Variants in AKAP6 observed in about 807,000 individuals in gnomAD.
AKAP6 encodes the protein A-kinase anchoring protein 6.
A neutral mutation model predicts 188.5 loss-of-function variants in AKAP6; 58 were observed. The ratio of observed to expected loss-of-function variants is 0.31; its 90% CI spans 0.25 to 0.38. The LOEUF is 0.38. Ranked by LOEUF, AKAP6 falls within the 10% of genes least tolerant of loss-of-function variation. AKAP6 has a pLI of 1.00. For synonymous variants in AKAP6, 989 were observed against 998.6 expected, an observed-to-expected ratio of 0.99 and a Z score of 0.18; for missense variants, 2,710 against 2,740.0, an observed-to-expected ratio of 0.99 and a Z score of 0.24.
In AKAP6 at chr14:32,372,169, G is replaced by A. The variant is rs115649244; in HGVS notation, c.-35+42761G>A. ...TCCTGAGGAGGCTAGCTTGAGGAAGGAGTGGCTAACAGGTTGGGAACTGGG... is the reference window on the plus strand; with the variant it reads ...TCCTGAGGAGGCTAGCTTGAGGAAGAAGTGGCTAACAGGTTGGGAACTGGG... On this transcript the variant is annotated intron_variant, in intron 1 of 13. Coordinates refer to ENST00000280979, the MANE Select transcript of AKAP6 (RefSeq NM_004274.5). Among the ~76,000 whole-genome samples the A allele has an allele frequency of 3.3e-3, 496 of 152,300 alleles. 1 individual carries two copies. The highest frequency in any genetic ancestry group is 0.012 in the African/African-American group (478 of 41,564).
intron 1 of AKAP6, among the ~76,000 whole-genome samples, chr14:32,360,732 T>C (rs925030805): frequency 7.9e-5 from 12 of 151,162 alleles, no homozygotes; most frequent in African/African-American, 2.7e-4. Context: ...TGTGTGTGTG[T>C]GTGTGTGTGT....
chr14:32,494,274 A>T (rs771575798), intron 2 of AKAP6: 1 of 152,138 alleles, frequency 6.6e-6, no homozygotes. Flanking sequence ...TGTGGAAACC[A>T]TGAGTAGGGT....
chr14:32,342,723 A>T lies in AKAP6; in HGVS notation c.-35+13315A>T, dbSNP rs578156610. Among the ~76,000 whole-genome samples, 23 of 152,050 alleles carry T rather than the reference A, an allele frequency of 1.5e-4. No individual in the cohort carries two copies. The South Asian group carries it at 4.8e-3, about 32-fold the overall frequency. ...AATGCAGTGTCAGCGCTGGATGGAG[A>T]CTCTACTGAACAAGAGATGTGTTAT... On this transcript the variant is annotated intron_variant, in intron 1 of 13. Transcript: ENST00000280979.
intron 12 of AKAP6, among the ~76,000 whole-genome samples, chr14:32,819,461 T>C (rs1334342268): frequency 6.6e-6 from 1 of 152,196 alleles, no homozygotes; most frequent in African/African-American, 2.4e-5. Context: ...ACAGTTAAAA[T>C]AATTCTGACA....
At chr14:32,351,353 G>A (rs769498393) in intron 1 of AKAP6, among the ~76,000 whole-genome samples, 1 of 152,018 alleles carries the variant, frequency 6.6e-6, no homozygotes, top group Non-Finnish European at 1.5e-5. Flanking sequence ...ACCCGAGGTC[G>A]GGAGTTCCAG....
intron 7 of AKAP6, among the ~76,000 whole-genome samples, chr14:32,617,550 C>A (rs1219124188): frequency 6.6e-6 from 1 of 152,190 alleles, no homozygotes; most frequent in East Asian, 1.9e-4. Context: ...AAAGACTATT[C>A]TTGAACAAAA....
chr14:32,587,873 A>G (rs1885319457), intron 5 of AKAP6, among the ~76,000 whole-genome samples: 1 of 152,154 alleles, frequency 6.6e-6, no homozygotes, highest in Non-Finnish European at 1.5e-5. Flanking sequence ...GGGTGTGTGA[A>G]ACCAGGTAAC....
At chr14:32,462,926 A>AC (rs71115072) in intron 2 of AKAP6, among the ~76,000 whole-genome samples, 7 of 146,050 alleles carry the variant, frequency 4.8e-5, no homozygotes, top group African/African-American at 1.5e-4. Context: ...AAAAAAAAAA[A>AC]CCCGGGGTTG....
rs556146988 is a variant in AKAP6, at chr14:32,800,086, T to C, written c.3589-21316T>C. ...CTATATATATAGAAATATATATATA[T>C]ACAAAATATATATATAGAAATATAT... On this transcript the variant is annotated intron_variant, in intron 12 of 13. Transcript: ENST00000280979. Among the ~76,000 whole-genome samples, 534 of 144,558 alleles carry C rather than the reference T, an allele frequency of 3.7e-3. 16 individuals are homozygous for C. The highest frequency in any genetic ancestry group is 0.034 in the Admixed American group (492 of 14,274). 94.8% of individuals were successfully genotyped at this position (144,558 alleles called of 152,430 possible).
chr14:32,645,341 T>C (rs964953585), intron 7 of AKAP6, among the ~76,000 whole-genome samples: 1 of 152,230 alleles, frequency 6.6e-6, no homozygotes, highest in Non-Finnish European at 1.5e-5. Flanking sequence ...GTAATGTTTG[T>C]TGCATTTATT....
intron 2 of AKAP6, among the ~76,000 whole-genome samples, chr14:32,500,899 G>T (rs914809703): frequency 6.6e-6 from 1 of 152,048 alleles, no homozygotes; most frequent in African/African-American, 2.4e-5. Flanking sequence ...ACTGGGGCAG[G>T]TATGTATACA....
rs562914098 is a variant in AKAP6, at chr14:32,800,357, C to T, written c.3589-21045C>T. ...GCAGAGGTTGCAGTGAGCTGAGATCCTACCATTGCAGTCCAGCCTGGTCAG... is the reference window on the plus strand; with the variant it reads ...GCAGAGGTTGCAGTGAGCTGAGATCTTACCATTGCAGTCCAGCCTGGTCAG... On this transcript the variant is annotated intron_variant, in intron 12 of 13. Transcript: ENST00000280979. 9.9e-5 allele frequency among the ~76,000 whole-genome samples: 15 copies of T among 151,526 alleles called. No homozygotes were observed. The South Asian group carries it at 1.7e-3, about 17-fold the overall frequency.
chr14:32,622,783 G>T (rs565932938), intron 7 of AKAP6, among the ~76,000 whole-genome samples: 40 of 152,182 alleles, frequency 2.6e-4, no homozygotes, highest in African/African-American at 9.1e-4. Flanking sequence ...GCTTTGAGTG[G>T]GACATAGAAC....
chr14:32,393,484 G>A (rs974101209), intron 1 of AKAP6, among the ~76,000 whole-genome samples: 5 of 152,078 alleles, frequency 3.3e-5, no homozygotes, highest in Admixed American at 3.3e-4. Context: ...ACCAGAAAAA[G>A]CATATTAGTG....
At chr14:32,475,420 A>G (rs1485288536) in intron 2 of AKAP6, among the ~76,000 whole-genome samples, 1 of 152,148 alleles carries the variant, frequency 6.6e-6, no homozygotes, top group South Asian at 2.1e-4. Context: ...TTTTTAGTGA[A>G]TGTTAGTTTT....
At chr14:32,626,319 G>A (rs1203839933) in intron 7 of AKAP6, among the ~76,000 whole-genome samples, 1 of 152,036 alleles carries the variant, frequency 6.6e-6, no homozygotes, top group Non-Finnish European at 1.5e-5. Context: ...TGCTAGGGCC[G>A]AGTTATGTCA....
intron 11 of AKAP6, among the ~76,000 whole-genome samples, chr14:32,747,647 A>G (rs1217683255): frequency 5.3e-5 from 8 of 152,194 alleles, no homozygotes; most frequent in Admixed American, 5.2e-4. Context: ...CTGCCTTATA[A>G]GAAAAATTGG....
At position 32,344,307 on chromosome 14, in the gene AKAP6, C is replaced by T. The variant is rs570367348; in HGVS notation, c.-35+14899C>T. Among the ~76,000 whole-genome samples, 4 of 152,332 alleles carry T rather than the reference C, an allele frequency of 2.6e-5. 1 individual carries two copies. The highest frequency in any genetic ancestry group is 4.1e-4 in the South Asian group (2 of 4,828). On this transcript the variant is annotated intron_variant, in intron 1 of 13. Coordinates refer to ENST00000280979, the MANE Select transcript of AKAP6 (RefSeq NM_004274.5). ...GATTCTTGCAGTGTCCTGAATATAA[C>T]ACCAATCCAACATGCATTGATCTAA...
At chr14:32,572,576 G>C (rs1003409511) in intron 4 of AKAP6, among the ~76,000 whole-genome samples, 14 of 152,200 alleles carry the variant, frequency 9.2e-5, no homozygotes, top group Admixed American at 9.2e-4. Context: ...TTGTAGAGGA[G>C]AAAGAGTTAG....
Sources: gnomAD v4.1 joint callset for allele counts (sites outside exome capture counted in the v4.1 genomes callset) on GRCh38, gnomAD v4.1.1 for gene constraint, MANE v1.5 for transcripts, NCBI Gene and HGNC (gene_info 2026-07-23, HGNC 2026-07-21) for gene names.